DENND1A: variants seen among roughly 807,000 people sequenced by gnomAD.
The protein encoded by DENND1A is DENN domain-containing protein 1A.
DENND1A carries 51 observed loss-of-function variants against 113.7 expected under a neutral mutation model. The observed-to-expected ratio is 0.45, with a 90% CI of 0.36 to 0.57. The LOEUF (loss-of-function observed/expected upper bound fraction) is 0.57. Among genes scored for constraint, DENND1A ranks in the 20% least tolerant of loss-of-function variants. The pLI is 0.00. For missense variants in DENND1A, 1,258 were observed against 1,395.9 expected, an observed-to-expected ratio of 0.90 and a Z score of 1.57; for synonymous variants, 565 against 570.8, an observed-to-expected ratio of 0.99 and a Z score of 0.14.
chr9:123,502,504 T>C (rs993258682), intron 13 of DENND1A, among the ~76,000 whole-genome samples: 1 of 152,226 alleles, frequency 6.6e-6, no homozygotes, highest in African/African-American at 2.4e-5. Context: ...TCGAGTCAGG[T>C]CTTTTGCCTA....
At chr9:123,628,846 A>C (rs1300208104) in intron 10 of DENND1A, among the ~76,000 whole-genome samples, 1 of 152,226 alleles carries the variant, frequency 6.6e-6, no homozygotes, top group Non-Finnish European at 1.5e-5. Context: ...TAGAAAACAT[A>C]TTGCCCCTTA....
At chr9:123,660,737 CAAAGTA>C (rs1289938503) in intron 8 of DENND1A, among the ~76,000 whole-genome samples, 1 of 152,008 alleles carries the variant, frequency 6.6e-6, no homozygotes, top group East Asian at 1.9e-4. Flanking sequence ...CAGAAAAAGT[CAAAGTA>C]AAAGAATTTT....
intron 2 of DENND1A, among the ~76,000 whole-genome samples, chr9:123,848,466 T>C (rs961831605): frequency 6.6e-5 from 10 of 152,152 alleles, no homozygotes; most frequent in African/African-American, 2.4e-4. Flanking sequence ...ACTTCGTCAA[T>C]AAATGTGTGT....
At chr9:123,547,596 AC>A (rs1477817568) in intron 13 of DENND1A, among the ~76,000 whole-genome samples, 1 of 152,160 alleles carries the variant, frequency 6.6e-6, no homozygotes, top group Non-Finnish European at 1.5e-5. Context: ...GGTACCTTCC[AC>A]CCCTATTTGT....
intron 1 of DENND1A, among the ~76,000 whole-genome samples, chr9:123,893,997 C>A (rs551070911): frequency 2.0e-5 from 3 of 152,192 alleles, no homozygotes; most frequent in Non-Finnish European, 4.4e-5. Flanking sequence ...CAGTTGCTCT[C>A]TCCACACCGT....
chr9:123,600,071 T>C (rs1277901030), intron 11 of DENND1A, among the ~76,000 whole-genome samples: 1 of 152,154 alleles, frequency 6.6e-6, no homozygotes, highest in Non-Finnish European at 1.5e-5. Flanking sequence ...CCTAATCACT[T>C]GCAAGGAGTT....
At chr9:123,782,285 A>G (rs1831440116) in intron 3 of DENND1A, among the ~76,000 whole-genome samples, 1 of 152,174 alleles carries the variant, frequency 6.6e-6, no homozygotes, top group South Asian at 2.1e-4. Flanking sequence ...ACGCTTTACA[A>G]GTTATACCGC....
intron 18 of DENND1A, among the ~76,000 whole-genome samples, chr9:123,448,160 T>C (rs2047443889): frequency 6.6e-6 from 1 of 152,120 alleles, no homozygotes; most frequent in Admixed American, 6.5e-5. Flanking sequence ...TTGAAAAGAC[T>C]GGCAGGGGGA....
chr9:123,897,230 T>C (rs1250210844), intron 1 of DENND1A, among the ~76,000 whole-genome samples: 2 of 152,156 alleles, frequency 1.3e-5, no homozygotes, highest in Non-Finnish European at 2.9e-5. Flanking sequence ...AGATTCTAAT[T>C]AAAAGTACCA....
chr9:123,640,522 T>G (rs1258546773), intron 9 of DENND1A, among the ~76,000 whole-genome samples: 1 of 152,234 alleles, frequency 6.6e-6, no homozygotes, highest in Non-Finnish European at 1.5e-5. Flanking sequence ...CCGTGACTAT[T>G]CTGTTTTGCT....
intron 1 of DENND1A, among the ~76,000 whole-genome samples, chr9:123,889,596 A>T (rs1433794234): frequency 6.6e-6 from 1 of 152,216 alleles, no homozygotes; most frequent in Non-Finnish European, 1.5e-5. Flanking sequence ...GTGCAGTCAG[A>T]AAGAAATTCT....
chr9:123,676,397 T>C (rs1402004028), intron 6 of DENND1A, among the ~76,000 whole-genome samples: 1 of 152,194 alleles, frequency 6.6e-6, no homozygotes, highest in African/African-American at 2.4e-5. Flanking sequence ...TTAATACATG[T>C]CACAAACTTT....
intron 9 of DENND1A, among the ~76,000 whole-genome samples, chr9:123,639,039 T>G (rs1209521356): frequency 1.9e-4 from 6 of 32,122 alleles, no homozygotes; most frequent in African/African-American, 7.2e-4. Context: ...GCATGAGTAG[T>G]AAAAAAAAAA....
chr9:123,836,096 A>T (rs1222465375), intron 2 of DENND1A, among the ~76,000 whole-genome samples: 1 of 152,164 alleles, frequency 6.6e-6, no homozygotes, highest in African/African-American at 2.4e-5. Context: ...GTTAAGTTTC[A>T]GGATAACATA....
At chr9:123,605,817 TA>T (rs1564804562) in intron 11 of DENND1A, among the ~76,000 whole-genome samples, 1 of 152,250 alleles carries the variant, frequency 6.6e-6, no homozygotes, top group Non-Finnish European at 1.5e-5. Context: ...TAAAAATGGT[TA>T]AAAAGTCTTC....
intron 1 of DENND1A, among the ~76,000 whole-genome samples, chr9:123,896,145 TA>T (rs890740595): frequency 6.7e-6 from 1 of 149,938 alleles, no homozygotes; most frequent in South Asian, 2.1e-4. Flanking sequence ...CAGGAAAAAA[TA>T]AAAAAAAATT....
At chr9:123,815,816 G>A (rs1006506199) in intron 2 of DENND1A, among the ~76,000 whole-genome samples, 1 of 151,930 alleles carries the variant, frequency 6.6e-6, no homozygotes, top group African/African-American at 2.4e-5. Context: ...AGGCTAAAAC[G>A]TGTCCGTAAT....
chr9:123,857,279 T>G (rs1432529652), intron 2 of DENND1A, among the ~76,000 whole-genome samples: 1 of 152,208 alleles, frequency 6.6e-6, no homozygotes, highest in Non-Finnish European at 1.5e-5. Context: ...CAAGAGCCCT[T>G]CAAGTTGGCT....
chr9:123,675,540 A>C (rs1431029583), intron 6 of DENND1A, among the ~76,000 whole-genome samples: 1 of 152,238 alleles, frequency 6.6e-6, no homozygotes, highest in African/African-American at 2.4e-5. Flanking sequence ...AAAAAAATTA[A>C]GGGAAATTTT....
Sources: allele counts gnomAD v4.1 joint callset (sites outside exome capture counted in the v4.1 genomes callset), GRCh38; gene constraint gnomAD v4.1.1; transcripts MANE v1.5; gene names NCBI Gene and HGNC (gene_info 2026-07-23, HGNC 2026-07-21).